The following ASIC2 variants were observed in gnomAD, a reference collection of about 807,000 sequenced individuals.
ASIC2 encodes the protein acid-sensing ion channel 2.
Under a neutral mutation model 57.3 loss-of-function variants are expected in ASIC2, and 25 were observed. The ratio of observed to expected loss-of-function variants is 0.44; its 90% CI spans 0.32 to 0.61. ASIC2 has a LOEUF of 0.61. Ranked by LOEUF, ASIC2 falls within the 20% of genes least tolerant of loss-of-function variation. The pLI is 0.06. For synonymous variants in ASIC2, 319 were observed against 307.5 expected (o/e 1.04, Z -0.39); for missense variants, 641 against 738.1 (o/e 0.87, Z 1.52).
chr17:33,420,301 A>C (rs1911001767), intron 1 of ASIC2, among the ~76,000 whole-genome samples: 1 of 152,200 alleles, frequency 6.6e-6, no homozygotes, highest in South Asian at 2.1e-4. Context: ...ATGGAGAAAG[A>C]AATGTGTGCA....
intron 2 of ASIC2, among the ~76,000 whole-genome samples, chr17:33,106,182 T>G (rs1291397026): frequency 6.6e-6 from 1 of 152,086 alleles, no homozygotes; most frequent in Non-Finnish European, 1.5e-5. Context: ...CAGGGAAGCC[T>G]GTGTGACTAG....
chr17:33,906,106 G>A (rs961903377), intron 1 of ASIC2, among the ~76,000 whole-genome samples: 62 of 150,258 alleles, frequency 4.1e-4, no homozygotes, highest in Non-Finnish European at 2.7e-4. Context: ...GATTACAAGC[G>A]TGAGCCATCG....
chr17:34,046,137 G>T (rs943000576), intron 1 of ASIC2, among the ~76,000 whole-genome samples: 2 of 152,156 alleles, frequency 1.3e-5, no homozygotes. Context: ...TGAATTTTCA[G>T]CCCTAGTTGA....
chr17:33,812,229 G>A (rs1331864979), intron 1 of ASIC2, among the ~76,000 whole-genome samples: 2 of 152,022 alleles, frequency 1.3e-5, no homozygotes, highest in Admixed American at 1.3e-4. Flanking sequence ...CTTGAGGAAG[G>A]GCTGCTATGT....
At chr17:34,107,009 G>A (rs1204743148) in intron 1 of ASIC2, among the ~76,000 whole-genome samples, 1 of 151,954 alleles carries the variant, frequency 6.6e-6, no homozygotes, top group African/African-American at 2.4e-5. Context: ...ATATACATAT[G>A]CGCAAACCTA....
intron 1 of ASIC2, among the ~76,000 whole-genome samples, chr17:33,315,295 A>G (rs1906599585): frequency 6.6e-6 from 1 of 152,206 alleles, no homozygotes; most frequent in Non-Finnish European, 1.5e-5. Context: ...TCTCAAACAG[A>G]ACCCAGGGAG....
At chr17:33,979,404 C>T (rs117364231) in intron 1 of ASIC2, among the ~76,000 whole-genome samples, 2,681 of 152,244 alleles carry the variant, frequency 0.018, 40 homozygotes, top group East Asian at 0.052. Context: ...TCCACCCAGC[C>T]GAGCTCCACC....
At chr17:33,246,553 G>A (rs1052998477) in intron 1 of ASIC2, among the ~76,000 whole-genome samples, 12 of 152,184 alleles carry the variant, frequency 7.9e-5, no homozygotes, top group African/African-American at 2.4e-4. Context: ...GCAAATAGGC[G>A]CTGTGCCAGA....
intron 1 of ASIC2, among the ~76,000 whole-genome samples, chr17:33,950,663 CAG>C (rs1395877372): frequency 6.6e-6 from 1 of 152,166 alleles, no homozygotes. Context: ...GGCTGAAGTT[CAG>C]AGAGGGGAAG....
intron 1 of ASIC2, among the ~76,000 whole-genome samples, chr17:33,952,239 G>A (rs1567766924): frequency 6.6e-6 from 1 of 152,104 alleles, no homozygotes; most frequent in Non-Finnish European, 1.5e-5. Context: ...CAAATTTTGT[G>A]TAGCTTAGAA....
chr17:33,427,713 C>T (rs539473319), intron 1 of ASIC2, among the ~76,000 whole-genome samples: 1 of 152,344 alleles, frequency 6.6e-6, no homozygotes, highest in Admixed American at 6.5e-5. Flanking sequence ...ATTCTCAACC[C>T]TGGCTGTACA....
chr17:33,896,336 C>T (rs57330574), intron 1 of ASIC2, among the ~76,000 whole-genome samples: 20,465 of 152,224 alleles, frequency 0.13, 1,398 homozygotes, highest in South Asian at 0.2. Flanking sequence ...TTCTCATCGC[C>T]GGCTTTATGT....
intron 1 of ASIC2, among the ~76,000 whole-genome samples, chr17:33,263,573 G>T (rs1909360209): frequency 6.8e-6 from 1 of 147,498 alleles, no homozygotes; most frequent in Non-Finnish European, 1.5e-5. Context: ...TCTGGAGATG[G>T]GGCCTCCCCT....
intron 1 of ASIC2, chr17:33,932,686 C>A (rs917460648): frequency 8.4e-6 from 1 of 119,526 alleles, no homozygotes; most frequent in Admixed American, 9.9e-5. Flanking sequence ...GCACTCCAGC[C>A]TGGGCAACAA....
At chr17:33,376,538 G>A (rs1271238099) in intron 1 of ASIC2, among the ~76,000 whole-genome samples, 1 of 152,082 alleles carries the variant, frequency 6.6e-6, no homozygotes, top group Non-Finnish European at 1.5e-5. Flanking sequence ...CATTCTTTAG[G>A]TGTTTTATGC....
At chr17:33,680,807 G>C (rs1907977597) in intron 1 of ASIC2, 1 of 152,158 alleles carries the variant, frequency 6.6e-6, no homozygotes, top group Non-Finnish European at 1.5e-5. Flanking sequence ...TTCCATCTGT[G>C]GTACTTGTTA....
chr17:33,403,893 G>GA (rs1910373165), intron 1 of ASIC2, among the ~76,000 whole-genome samples: 1 of 152,204 alleles, frequency 6.6e-6, no homozygotes, highest in African/African-American at 2.4e-5. Flanking sequence ...TGGGACATCA[G>GA]AAAGATGGCT....
chr17:33,073,769 CT>C (rs1278860332), intron 3 of ASIC2, among the ~76,000 whole-genome samples: 3 of 152,166 alleles, frequency 2.0e-5, no homozygotes, highest in African/African-American at 7.2e-5. Flanking sequence ...AATGGACAAA[CT>C]GGGCTAGAGA....
intron 1 of ASIC2, among the ~76,000 whole-genome samples, chr17:33,832,262 G>C (rs755300955): frequency 6.6e-6 from 1 of 152,220 alleles, no homozygotes; most frequent in African/African-American, 2.4e-5. Flanking sequence ...TTTTGTGTGA[G>C]AGGAAAGATG....
Sources: allele counts gnomAD v4.1 joint callset (sites outside exome capture counted in the v4.1 genomes callset), GRCh38; gene constraint gnomAD v4.1.1; transcripts MANE v1.5; gene names NCBI Gene and HGNC (gene_info 2026-07-23, HGNC 2026-07-21).